The following SNX13 variants were observed in gnomAD, a reference collection of about 807,000 sequenced individuals.
SNX13 encodes the protein sorting nexin-13.
A neutral mutation model predicts 133.6 loss-of-function variants in SNX13; 45 were observed. The ratio of observed to expected loss-of-function variants is 0.34; its 90% CI spans 0.27 to 0.43. SNX13 has a LOEUF of 0.43. SNX13 is among the 20% of genes least tolerant of loss of function. The pLI, the probability that SNX13 is intolerant of heterozygous loss-of-function variation, is 1.00. For missense variants in SNX13, 1,032 were observed against 1,145.1 expected (o/e 0.90, Z 1.43); for synonymous variants, 414 against 373.9 (o/e 1.11, Z -1.24).
intron 8 of SNX13, among the ~76,000 whole-genome samples, chr7:17,869,680 T>C (rs965634594): frequency 4.6e-5 from 7 of 152,298 alleles, no homozygotes; most frequent in East Asian, 1.9e-4. Context: ...GAGGCACCAG[T>C]AATTTTTTTG....
chr7:17,847,877 T>A (rs1162784940), intron 11 of SNX13, among the ~76,000 whole-genome samples: 1 of 152,206 alleles, frequency 6.6e-6, no homozygotes, highest in East Asian at 1.9e-4. Flanking sequence ...TTGATACACC[T>A]CTTCTTTCCC....
intron 11 of SNX13, among the ~76,000 whole-genome samples, chr7:17,846,373 C>T (rs1442860610): frequency 6.6e-5 from 10 of 152,200 alleles, no homozygotes; most frequent in Non-Finnish European, 1.3e-4. Flanking sequence ...TGTATCACCA[C>T]GTCTACTTAA....
Position 17,799,006 on chromosome 7 carries a change from T to C in SNX13, c.2444+3A>G. On this transcript the variant is annotated splice_donor_region_variant and intron_variant, in intron 23 of 25. Coordinates refer to ENST00000428135, the MANE Select transcript of SNX13 (RefSeq NM_015132.5). ...ATTAAAAGCGAGGAGGAAAGAGTGC[T>C]ACCTATTAATAGTATCGCCATATGT... The C allele has an allele frequency of 6.2e-7, 1 of 1,607,008 alleles. No individual in the cohort carries two copies. Among genetic ancestry groups the C allele is most frequent in the Non-Finnish European group, 8.5e-7 (1 of 1,176,638 alleles).
chr7:17,867,596 T>A (rs1225021682), intron 9 of SNX13, among the ~76,000 whole-genome samples: 1 of 149,946 alleles, frequency 6.7e-6, no homozygotes, highest in East Asian at 2.0e-4. Flanking sequence ...AAGAGTGAGA[T>A]CCCATCTCAA....
At chr7:17,805,250 T>TGTGTGTGCGC in intron 20 of SNX13, among the ~76,000 whole-genome samples, 1,905 of 95,492 alleles carry the variant, frequency 0.02, 49 homozygotes, top group Non-Finnish European at 0.032. Flanking sequence ...TGTGTGTGTG[T>TGTGTGTGCGC]GCGTGCGCGC....
intron 1 of SNX13, among the ~76,000 whole-genome samples, chr7:17,937,900 G>A (rs1302325196): frequency 3.3e-5 from 5 of 152,184 alleles, no homozygotes; most frequent in Non-Finnish European, 5.9e-5. Context: ...TCTGAGCACA[G>A]TAAATGCTTG....
chr7:17,792,706 C>G lies in SNX13; in HGVS notation c.*1339G>C, dbSNP rs758007198. ...TTAAATATTTTTAAAACAAAAAAAGCTGACACACCCAAACCCTTAGGCAAT... is the reference window on the plus strand; with the variant it reads ...TTAAATATTTTTAAAACAAAAAAAGGTGACACACCCAAACCCTTAGGCAAT... On this transcript the variant is annotated 3_prime_UTR_variant, in exon 26 of 26. Transcript: ENST00000428135. 3.9e-5 allele frequency: 6 copies of G among 152,240 alleles called. No individual in the cohort carries two copies. Among genetic ancestry groups the G allele is most frequent in the Non-Finnish European group, 8.8e-5 (6 of 67,858 alleles). 9.4% of individuals were successfully genotyped at this position (152,240 alleles called of 1,614,324 possible).
chr7:17,889,007 T>C, intron 5 of SNX13: 1 of 215,598 alleles, frequency 4.6e-6, no homozygotes, highest in Non-Finnish European at 9.4e-6. Flanking sequence ...ACAAGAATAA[T>C]GAATTCTTCC....
In SNX13 at chr7:17,864,637, T is replaced by C. The variant is rs371414853; in HGVS notation, c.837+3770A>G. Among the ~76,000 whole-genome samples, 18 of 152,010 alleles carry C rather than the reference T, an allele frequency of 1.2e-4. 1 individual carries two copies. In the South Asian group the frequency reaches 3.7e-3, roughly 32 times the overall value. On this transcript the variant is annotated intron_variant, in intron 9 of 25. Coordinates refer to ENST00000428135, the MANE Select transcript of SNX13 (RefSeq NM_015132.5). Reference sequence around the variant, plus strand: ...AACTTTTAAAACCCAGAAAAAAACATGAATATCCAGGTACAAGAAGGTCGA... The same window carrying C: ...AACTTTTAAAACCCAGAAAAAAACACGAATATCCAGGTACAAGAAGGTCGA...
chr7:17,935,628 A>T (rs1801927809), intron 1 of SNX13, among the ~76,000 whole-genome samples: 1 of 152,242 alleles, frequency 6.6e-6, no homozygotes, highest in South Asian at 2.1e-4. Flanking sequence ...AATAATATTT[A>T]AAAAGAAAAA....
chr7:17,887,983 C>A (rs2714876), intron 5 of SNX13, among the ~76,000 whole-genome samples: 85,059 of 151,824 alleles, frequency 0.56, 24,304 homozygotes, highest in East Asian at 0.72. Context: ...ATACAGCAGA[C>A]AGCACAGAAT....
At chr7:17,869,496 T>C (rs1373105143) in intron 8 of SNX13, among the ~76,000 whole-genome samples, 6 of 152,132 alleles carry the variant, frequency 3.9e-5, no homozygotes, top group South Asian at 4.1e-4. Flanking sequence ...CTTAAGAATA[T>C]TGGGGGAGGT....
intron 9 of SNX13, among the ~76,000 whole-genome samples, chr7:17,865,652 G>A (rs777929057): frequency 6.6e-6 from 1 of 152,070 alleles, no homozygotes. Context: ...ATTAATATAT[G>A]GAACCACAAA....
At chr7:17,884,583 A>G (rs1795766300) in intron 5 of SNX13, among the ~76,000 whole-genome samples, 1 of 152,186 alleles carries the variant, frequency 6.6e-6, no homozygotes, top group Non-Finnish European at 1.5e-5. Context: ...AATTATTGTT[A>G]ATAGAGTTCC....
At chr7:17,844,246 ACT>A (rs2128319868) in intron 12 of SNX13, among the ~76,000 whole-genome samples, 1 of 152,076 alleles carries the variant, frequency 6.6e-6, no homozygotes, top group Admixed American at 6.6e-5. Flanking sequence ...ATTACTAATG[ACT>A]CTACAAAACT....
intron 1 of SNX13, among the ~76,000 whole-genome samples, chr7:17,923,276 AG>A (rs1379620256): frequency 6.6e-6 from 1 of 152,240 alleles, no homozygotes; most frequent in African/African-American, 2.4e-5. Context: ...TACTATACAC[AG>A]GATCTTTAAA....
rs113838503 is a variant in SNX13, at chr7:17,917,864, G to C, written c.13-20418C>G. ...AGCAATCCCAAGCAAAAGAAAATAG[G>C]TATCACATTACCTGACTTAAAACTA... On this transcript the variant is annotated intron_variant, in intron 1 of 25. Coordinates refer to ENST00000428135, the MANE Select transcript of SNX13 (RefSeq NM_015132.5). Among the ~76,000 whole-genome samples, 541 of 151,974 alleles carry C rather than the reference G, an allele frequency of 3.6e-3. 4 individuals are homozygous for C. Among genetic ancestry groups the C allele is most frequent in the African/African-American group, 0.012 (510 of 41,466 alleles).
In SNX13 at chr7:17,814,376, C is replaced by T. The variant is rs541318463; in HGVS notation, c.2064+458G>A. On this transcript the variant is annotated intron_variant, in intron 20 of 25. Transcript: ENST00000428135. ...ATTTAAGCACTTATTTACTGTCTTA[C>T]CTTACGATTTTATTCCAAGTATGGG... 1.2e-4 allele frequency among the ~76,000 whole-genome samples: 19 copies of T among 152,186 alleles called. No individual in the cohort carries two copies. The East Asian group carries it at 3.3e-3, about 26-fold the overall frequency.
chr7:17,845,506 G>T, intron 12 of SNX13, 89 bp downstream of exon 12: 1 of 772,474 alleles, frequency 1.3e-6, no homozygotes. Context: ...AAAAATAGTT[G>T]AGATACTAAA....
Sources: gnomAD v4.1 joint callset for allele counts (sites outside exome capture counted in the v4.1 genomes callset) on GRCh38, gnomAD v4.1.1 for gene constraint, MANE v1.5 for transcripts, NCBI Gene and HGNC (gene_info 2026-07-23, HGNC 2026-07-21) for gene names.